RELN: variants seen among roughly 807,000 people sequenced by gnomAD.
RELN encodes reelin.
A neutral mutation model predicts 427.6 loss-of-function variants in RELN; 108 were observed. The ratio of observed to expected loss-of-function variants is 0.25; its 90% CI spans 0.22 to 0.30. The LOEUF is 0.30. Among genes scored for constraint, RELN ranks in the 10% least tolerant of loss-of-function variants. The pLI is 1.00. For synonymous variants in RELN, 1,524 were observed against 1,513.4 expected (o/e 1.01, Z -0.16); for missense variants, 3,715 against 4,302.8 (o/e 0.86, Z 3.82).
In RELN at chr7:103,799,954, C is replaced by T. The variant is rs186537908; in HGVS notation, c.474-23327G>A. ...TCTCAATAGATGCAGAAAAGGGCTT[C>T]GAAAAAATTCCAAGGTACTGACGGA... is the stretch of plus-strand genomic sequence containing the variant. On this transcript the variant is annotated intron_variant, in intron 3 of 64. Coordinates refer to ENST00000428762, the MANE Select transcript of RELN (RefSeq NM_005045.4). 4.6e-5 allele frequency among the ~76,000 whole-genome samples: 7 copies of T among 152,086 alleles called. No homozygotes were observed. The East Asian group carries it at 7.8e-4, about 17-fold the overall frequency.
In RELN at chr7:103,603,380, A is replaced by C; in HGVS notation, c.3257T>G (p.Val1086Gly). Residue 1086 changes from valine (V) to glycine (G), a missense_variant, in exon 24 of 65, where the codon GTT becomes GGT. By Grantham distance (109) the Val-to-Gly change is moderately radical (BLOSUM62 -3). Around this residue, in one of 4 missense-constraint regions of RELN, gnomAD observed 2,208 missense variants for 2,361.7 expected, o/e 0.93. Transcript: ENST00000428762. The surrounding 1 kb of genome is among the most constrained non-coding windows in gnomAD (Gnocchi z 4.3). The stretch of plus-strand genomic sequence containing the variant: ...TGGTTTTACAATTTCTCCCCCAATA[A>C]CTTCTTGCCAGTCAGACTCCCAGCC... ...QNGWESDWQE[V>G]IGGEIVKPEQ... 3 of 1,613,698 alleles carry C rather than the reference A, an allele frequency of 1.9e-6. No homozygotes were observed. The highest frequency in any genetic ancestry group is 4.5e-5 in the East Asian group (2 of 44,856).
intron 22 of RELN, among the ~76,000 whole-genome samples, chr7:103,607,573 T>C (rs921587659): frequency 1.3e-5 from 2 of 152,206 alleles, no homozygotes; most frequent in African/African-American, 4.8e-5. Flanking sequence ...GGTCATGAAA[T>C]GAAGTTGACT....
chr7:103,769,235 T>C (rs1416232271), intron 4 of RELN, among the ~76,000 whole-genome samples: 1 of 152,124 alleles, frequency 6.6e-6, no homozygotes, highest in Non-Finnish European at 1.5e-5. Flanking sequence ...AGAGTGACAG[T>C]AGTAAGAGGT....
intron 7 of RELN, among the ~76,000 whole-genome samples, chr7:103,725,042 T>C (rs1364453927): frequency 4.6e-5 from 7 of 152,178 alleles, no homozygotes; most frequent in Non-Finnish European, 8.8e-5. Context: ...TATGAATGGC[T>C]GATACATAAC....
chr7:103,590,601 T>TAA (rs1831390848), intron 27 of RELN, among the ~76,000 whole-genome samples: 1 of 150,600 alleles, frequency 6.6e-6, no homozygotes, highest in Admixed American at 6.6e-5. Context: ...AATAAATAAA[T>TAA]ATAAAATAAA....
chr7:103,884,372 G>A (rs1232516686), intron 2 of RELN, among the ~76,000 whole-genome samples: 1 of 152,142 alleles, frequency 6.6e-6, no homozygotes, highest in East Asian at 1.9e-4. Flanking sequence ...ATAGGTATGG[G>A]CAAAGACTTC....
At chr7:103,930,909 T>TGTGTG (rs1554443953) in intron 1 of RELN, among the ~76,000 whole-genome samples, 1 of 151,314 alleles carries the variant, frequency 6.6e-6, no homozygotes, top group African/African-American at 2.4e-5. Flanking sequence ...TGTGTGTGTG[T>TGTGTG]GTCTCCTTCT....
At chr7:103,723,258 A>T in intron 7 of RELN, 67 bp from the exon 8 acceptor site, 1 of 934,056 alleles carries the variant, frequency 1.1e-6, no homozygotes, top group Non-Finnish European at 1.8e-6. Flanking sequence ...AGATGCTGGG[A>T]GGGGTACGGG....
intron 6 of RELN, among the ~76,000 whole-genome samples, chr7:103,740,177 T>C (rs1029740508): frequency 6.6e-6 from 1 of 152,114 alleles, no homozygotes; most frequent in East Asian, 1.9e-4. Context: ...TGACTGAAAT[T>C]AAGTTTCCAC....
intron 4 of RELN, among the ~76,000 whole-genome samples, chr7:103,759,938 T>C (rs1332298246): frequency 6.8e-6 from 1 of 147,532 alleles, no homozygotes; most frequent in Non-Finnish European, 1.5e-5. Flanking sequence ...GCAGCAAATA[T>C]CTCCACATTA....
At chr7:103,662,742 G>A (rs1833172497) in intron 11 of RELN, among the ~76,000 whole-genome samples, 1 of 151,994 alleles carries the variant, frequency 6.6e-6, no homozygotes, top group Non-Finnish European at 1.5e-5. Flanking sequence ...TAGTACAGTG[G>A]AACAAATCCA....
intron 48 of RELN, among the ~76,000 whole-genome samples, chr7:103,520,183 C>A (rs1336043116): frequency 1.3e-5 from 2 of 151,604 alleles, no homozygotes; most frequent in African/African-American, 4.9e-5. Context: ...TATAACTGTC[C>A]TTTATTTTTA....
Position 103,925,508 on chromosome 7 carries a change from T to C in RELN, c.227-8323A>G, listed in dbSNP as rs1053384564. ...GACCTTATTTTTCACGTTACTTTTA[T>C]ATGAGGCTGGATAATACTCATCCAT... On this transcript the variant is annotated intron_variant, in intron 1 of 64. Coordinates refer to ENST00000428762, the MANE Select transcript of RELN (RefSeq NM_005045.4). Among the ~76,000 whole-genome samples, 16 of 152,286 alleles carry C rather than the reference T, an allele frequency of 1.1e-4. 2 individuals carry two copies. The highest frequency in any genetic ancestry group is 9.8e-4 in the Admixed American group (15 of 15,300).
chr7:103,734,390 A>G (rs1790439566), intron 6 of RELN, among the ~76,000 whole-genome samples: 1 of 152,164 alleles, frequency 6.6e-6, no homozygotes. Flanking sequence ...TTCCCCTTTT[A>G]TATTTCCCAA....
intron 1 of RELN, among the ~76,000 whole-genome samples, chr7:103,941,819 T>C (rs572921739): frequency 6.6e-6 from 1 of 152,152 alleles, no homozygotes; most frequent in East Asian, 1.9e-4. Flanking sequence ...CTGGTAACAT[T>C]ATCAGACTGT....
intron 22 of RELN, among the ~76,000 whole-genome samples, chr7:103,607,120 C>A (rs538021876): frequency 6.7e-6 from 1 of 148,444 alleles, no homozygotes; most frequent in Non-Finnish European, 1.5e-5. Flanking sequence ...GGGAGGGATA[C>A]CATTAGGAGA....
intron 45 of RELN, among the ~76,000 whole-genome samples, chr7:103,536,543 G>A (rs35152060): frequency 0.049 from 7,391 of 152,210 alleles, 224 homozygotes; most frequent in South Asian, 0.15. Context: ...TGATTCTCCC[G>A]TGCAGCCAGT....
intron 49 of RELN, among the ~76,000 whole-genome samples, chr7:103,517,220 A>C (rs1262730565): frequency 6.6e-6 from 1 of 150,540 alleles, no homozygotes; most frequent in African/African-American, 2.5e-5. Context: ...TGTTCCTAAC[A>C]TTTACCTCTA....
chr7:103,807,427 A>G (rs1208703593), intron 3 of RELN, among the ~76,000 whole-genome samples: 2 of 152,158 alleles, frequency 1.3e-5, no homozygotes, highest in African/African-American at 2.4e-5. Context: ...ATTTGCTGAA[A>G]GTCCATTCGT....
Sources: gnomAD v4.1 joint callset for allele counts (sites outside exome capture counted in the v4.1 genomes callset) on GRCh38, gnomAD v4.1.1 for gene constraint, gnomAD v4.1.1 regional missense constraint, Gnocchi (gnomAD v3.1) non-coding constraint, MANE v1.5 for transcripts, NCBI Gene and HGNC (gene_info 2026-07-23, HGNC 2026-07-21) for gene names.